Variants in KCNIP4 observed in about 807,000 individuals in gnomAD.
KCNIP4 encodes Kv channel-interacting protein 4.
A neutral mutation model predicts 34.0 loss-of-function variants in KCNIP4; 12 were observed. The observed-to-expected ratio is 0.35, with a 90% CI of 0.23 to 0.57. The LOEUF (loss-of-function observed/expected upper bound fraction) is 0.57. Among genes scored for constraint, KCNIP4 ranks in the 20% least tolerant of loss-of-function variants. The probability of loss-of-function intolerance (pLI) is 0.83; values close to 1 mark genes in which losing one functional copy is unlikely to be tolerated. For missense variants in KCNIP4, 238 were observed against 311.7 expected (o/e 0.76, Z 1.78); for synonymous variants, 124 against 102.2 (o/e 1.21, Z -1.29).
In KCNIP4 at chr4:21,517,598, A is replaced by AT. The variant is rs562238886; in HGVS notation, c.61+430972dup. Among the ~76,000 whole-genome samples the AT allele has an allele frequency of 1.1e-4, 16 of 152,028 alleles. No homozygotes were observed. In the East Asian group the frequency reaches 2.1e-3, roughly 20 times the overall value. ...ACTGGTATGTTTCTGTTAATCATTGATTTTTTTTATCCTGCCTAATACGAG... is the reference window on the plus strand; with the variant it reads ...ACTGGTATGTTTCTGTTAATCATTGATTTTTTTTTATCCTGCCTAATACGAG... On this transcript the variant is annotated intron_variant, in intron 1 of 8. Coordinates refer to ENST00000382152, the MANE Select transcript of KCNIP4 (RefSeq NM_025221.6).
chr4:21,026,972 A>G (rs1187637385), intron 1 of KCNIP4, among the ~76,000 whole-genome samples: 3 of 152,198 alleles, frequency 2.0e-5, no homozygotes, highest in Non-Finnish European at 4.4e-5. Context: ...TCTCTATTAT[A>G]AAAGCATTTC....
intron 3 of KCNIP4, among the ~76,000 whole-genome samples, chr4:20,842,209 T>C (rs1340395528): frequency 3.3e-5 from 5 of 152,106 alleles, no homozygotes; most frequent in Non-Finnish European, 7.4e-5. Flanking sequence ...ACTCAGAGAA[T>C]AAGCCATGAA....
chr4:20,734,664 C>T lies in KCNIP4; in HGVS notation c.501G>A (p.Leu167=), dbSNP rs1749146800. 1.9e-6 allele frequency: 3 copies of T among 1,592,634 alleles called. No homozygotes were observed. Among genetic ancestry groups the T allele is most frequent in the Non-Finnish European group, 2.6e-6 (3 of 1,168,120 alleles). Residue 167 remains leucine (L), a synonymous_variant, in exon 6 of 9, where the codon CTG becomes CTA. Transcript: ENST00000382152. ...TGTAGCCATCTTTATTTATGTCATA[C>T]AGATTAAATGCCCAATTGAGTTTTT... ...VQEKLNWAFN[L]YDINKDGYIT... is the part of the protein sequence containing the mutation.
At position 21,928,404 on chromosome 4, in the gene KCNIP4, C is replaced by A. The variant is rs777632486; in HGVS notation, c.61+20167G>T. Among the ~76,000 whole-genome samples the A allele has an allele frequency of 1.1e-3, 166 of 152,028 alleles. 2 individuals are homozygous for A. The highest frequency in any genetic ancestry group is 1.8e-3 in the Non-Finnish European group (124 of 68,000). ...ACATAAAACAGCCCAATTCATCATA[C>A]CCAGCATATCTTTAATAAGAGCACA... On this transcript the variant is annotated intron_variant, in intron 1 of 8. Coordinates refer to ENST00000382152, the MANE Select transcript of KCNIP4 (RefSeq NM_025221.6).
At chr4:21,481,933 G>C in intron 1 of KCNIP4, among the ~76,000 whole-genome samples, 1 of 152,142 alleles carries the variant, frequency 6.6e-6, no homozygotes, top group East Asian at 1.9e-4. Context: ...CATTATTATT[G>C]TGTGGGAGTC....
chr4:21,114,220 AAGG>A (rs1749496485), intron 1 of KCNIP4, among the ~76,000 whole-genome samples: 1 of 152,220 alleles, frequency 6.6e-6, no homozygotes, highest in Admixed American at 6.5e-5. Flanking sequence ...TCTTTGAGCC[AAGG>A]AGATTATCAA....
At chr4:21,069,861 T>C (rs1392979567) in intron 1 of KCNIP4, among the ~76,000 whole-genome samples, 1 of 152,192 alleles carries the variant, frequency 6.6e-6, no homozygotes, top group Non-Finnish European at 1.5e-5. Flanking sequence ...GACGTTGGTA[T>C]AATGTGGGTG....
chr4:20,730,178 A>AAAG, intron 8 of KCNIP4, 49 bp from the exon 9 acceptor site: 12 of 1,566,372 alleles, frequency 7.7e-6, no homozygotes, highest in Non-Finnish European at 1.0e-5. Flanking sequence ...TCTGCAAGGA[A>AAAG]AAGTACACTA....
At chr4:21,604,054 G>C (rs901412332) in intron 1 of KCNIP4, among the ~76,000 whole-genome samples, 1 of 151,918 alleles carries the variant, frequency 6.6e-6, no homozygotes, top group Non-Finnish European at 1.5e-5. Context: ...ATAAATTTTA[G>C]GTTTTACTTT....
rs1286930435 is a variant in KCNIP4, at chr4:21,121,183, C to A, written c.62-238474G>T. ...CAAAGCTATTCCAATCCATACACAA[C>A]CCCAGGTGACTCCTACATGAAATCA... is the stretch of plus-strand genomic sequence containing the variant. On this transcript the variant is annotated intron_variant, in intron 1 of 8. Transcript: ENST00000382152. Among the ~76,000 whole-genome samples the A allele has an allele frequency of 6.6e-5, 10 of 152,314 alleles. No homozygotes were observed. The East Asian group carries it at 1.7e-3, about 26-fold the overall frequency.
chr4:21,280,183 A>G (rs911243952), intron 1 of KCNIP4, among the ~76,000 whole-genome samples: 2 of 152,224 alleles, frequency 1.3e-5, no homozygotes, highest in African/African-American at 2.4e-5. Flanking sequence ...ACTGAACTGC[A>G]TATGATGCAA....
chr4:21,459,789 A>G (rs1413170933), intron 1 of KCNIP4, among the ~76,000 whole-genome samples: 2 of 152,030 alleles, frequency 1.3e-5, no homozygotes, highest in Non-Finnish European at 2.9e-5. Flanking sequence ...CTGATCTATG[A>G]GCCAGTTCTG....
chr4:21,376,070 T>G (rs556530377), intron 1 of KCNIP4, among the ~76,000 whole-genome samples: 1 of 152,324 alleles, frequency 6.6e-6, no homozygotes, highest in African/African-American at 2.4e-5. Context: ...TATCTTAAGT[T>G]TGGGAGGAAA....
chr4:21,672,662 C>A (rs536754218), intron 1 of KCNIP4, among the ~76,000 whole-genome samples: 1 of 152,200 alleles, frequency 6.6e-6, no homozygotes, highest in Non-Finnish European at 1.5e-5. Flanking sequence ...GCTCAGGTGA[C>A]GATTGGGATA....
At chr4:21,879,701 T>G (rs192253526) in intron 1 of KCNIP4, among the ~76,000 whole-genome samples, 12 of 152,328 alleles carry the variant, frequency 7.9e-5, no homozygotes, top group Admixed American at 7.8e-4. Context: ...TTTCGATAAT[T>G]CATATATTAT....
chr4:20,913,239 C>CA (rs1210443707), intron 1 of KCNIP4, among the ~76,000 whole-genome samples: 1 of 151,096 alleles, frequency 6.6e-6, no homozygotes, highest in Non-Finnish European at 1.5e-5. Context: ...AACAATGTAC[C>CA]AAAAAAATAA....
intron 1 of KCNIP4, among the ~76,000 whole-genome samples, chr4:21,000,314 A>G (rs1444022823): frequency 6.6e-6 from 1 of 152,104 alleles, no homozygotes; most frequent in Non-Finnish European, 1.5e-5. Context: ...TACAGAAAAA[A>G]AAGATAGAGT....
intron 1 of KCNIP4, among the ~76,000 whole-genome samples, chr4:21,832,390 T>C (rs1723040041): frequency 2.0e-5 from 3 of 151,964 alleles, no homozygotes; most frequent in Admixed American, 2.0e-4. Context: ...GGCTCTGACA[T>C]AAGGATGGAC....
chr4:21,285,344 C>T (rs1267644678), intron 1 of KCNIP4, among the ~76,000 whole-genome samples: 2 of 152,112 alleles, frequency 1.3e-5, no homozygotes, highest in Admixed American at 6.6e-5. Flanking sequence ...CTCAGAACCT[C>T]AGTTTGAACA....
Sources: gnomAD v4.1 joint callset for allele counts (sites outside exome capture counted in the v4.1 genomes callset) on GRCh38, gnomAD v4.1.1 for gene constraint, MANE v1.5 for transcripts, NCBI Gene and HGNC (gene_info 2026-07-23, HGNC 2026-07-21) for gene names.